ABCB1: variants seen among roughly 807,000 people sequenced by gnomAD.
The protein encoded by ABCB1 is ATP-dependent translocase ABCB1.
In ABCB1, 69 loss-of-function variants were observed where a neutral mutation model predicts 142.0. That is an observed-to-expected ratio of 0.49 (90% confidence interval 0.40 to 0.59). The LOEUF (loss-of-function observed/expected upper bound fraction) is 0.59. Among genes scored for constraint, ABCB1 ranks in the 20% least tolerant of loss-of-function variants. The pLI, the probability that ABCB1 is intolerant of heterozygous loss-of-function variation, is 0.00. For missense variants in ABCB1, 1,326 were observed against 1,554.7 expected, an observed-to-expected ratio of 0.85 and a Z score of 2.47; for synonymous variants, 532 against 539.2, an observed-to-expected ratio of 0.99 and a Z score of 0.18.
At position 87,545,883 on chromosome 7, in the gene ABCB1, A is replaced by G. The variant is rs772821889; in HGVS notation, c.1867T>C (p.Phe623Leu). 1.9e-6 allele frequency: 3 copies of G among 1,614,176 alleles called. No individual in the cohort carries two copies. The highest frequency in any genetic ancestry group is 1.7e-6 in the Non-Finnish European group (2 of 1,180,008). Residue 623 changes from phenylalanine (F) to leucine (L), a missense_variant, in exon 15 of 28, where the codon TTC becomes CTC. Phe to Leu is a conservative substitution (Grantham distance 22). Transcript: ENST00000622132. ...TATACCTGCATTGTGACAAGTTTGAAGTAAATGCCTTTCTCTTTCATGAGT... is the reference window on the plus strand; with the variant it reads ...TATACCTGCATTGTGACAAGTTTGAGGTAAATGCCTTTCTCTTTCATGAGT... Reference protein sequence around the residue: ...DELMKEKGIYFKLVTMQTAGN... With the variant: ...DELMKEKGIYLKLVTMQTAGN...
chr7:87,666,059 C>G (rs1382408677), intron 1 of ABCB1, among the ~76,000 whole-genome samples: 15 of 152,088 alleles, frequency 9.9e-5, no homozygotes, highest in Non-Finnish European at 1.5e-5. Context: ...AATTGCCATA[C>G]TGTCTTCCAC....
chr7:87,545,579 G>A (rs1180935143), intron 15 of ABCB1, among the ~76,000 whole-genome samples: 1 of 152,110 alleles, frequency 6.6e-6, no homozygotes, highest in African/African-American at 2.4e-5. Flanking sequence ...TTCCAATTCA[G>A]ATTCACTACC....
intron 1 of ABCB1, among the ~76,000 whole-genome samples, chr7:87,707,384 T>G (rs1267219900): frequency 6.6e-6 from 1 of 152,126 alleles, no homozygotes; most frequent in Admixed American, 6.6e-5. Context: ...TATTGGAATA[T>G]GTTAAAATTC....
intron 1 of ABCB1, among the ~76,000 whole-genome samples, chr7:87,679,171 C>A (rs1310650517): frequency 7.0e-6 from 1 of 142,758 alleles, no homozygotes; most frequent in Non-Finnish European, 1.5e-5. Context: ...TGGCTCACTG[C>A]AAGCTCCTCC....
At chr7:87,567,107 G>T in intron 5 of ABCB1, 131 bp from the exon 6 acceptor site, 1 of 818,710 alleles carries the variant, frequency 1.2e-6, no homozygotes, top group Non-Finnish European at 2.0e-6. Context: ...AGAAGGGGTT[G>T]TAACAAGCAG....
intron 1 of ABCB1, among the ~76,000 whole-genome samples, chr7:87,674,737 G>A (rs920885517): frequency 1.3e-5 from 2 of 152,226 alleles, no homozygotes; most frequent in African/African-American, 4.8e-5. Flanking sequence ...CCCTGGTTGG[G>A]CATCTGAGGC....
chr7:87,516,096 A>AT (rs1815234080), intron 24 of ABCB1, among the ~76,000 whole-genome samples: 2 of 152,290 alleles, frequency 1.3e-5, no homozygotes, highest in South Asian at 4.1e-4. Context: ...TAATTAAAAA[A>AT]TTAGCTGGGC....
chr7:87,672,582 A>G (rs560949333), intron 1 of ABCB1, among the ~76,000 whole-genome samples: 1 of 152,288 alleles, frequency 6.6e-6, no homozygotes, highest in East Asian at 1.9e-4. Context: ...CCAGAGCTGC[A>G]ACTTCTTTTG....
chr7:87,710,696 A>T (rs778229480), intron 1 of ABCB1: 10 of 1,101,846 alleles, frequency 9.1e-6, no homozygotes, highest in African/African-American at 1.6e-5. Flanking sequence ...TATTTGAAAG[A>T]ATCACCTGAA....
intron 1 of ABCB1, among the ~76,000 whole-genome samples, chr7:87,711,647 C>G (rs946563539): frequency 5.9e-5 from 9 of 152,024 alleles, no homozygotes; most frequent in African/African-American, 2.2e-4. Flanking sequence ...TTTAATGTAG[C>G]CACTAACACA....
At chr7:87,696,902 A>T (rs1373069023) in intron 1 of ABCB1, among the ~76,000 whole-genome samples, 1 of 152,124 alleles carries the variant, frequency 6.6e-6, no homozygotes, top group East Asian at 1.9e-4. Flanking sequence ...AGTTCCAAGG[A>T]TTTAGTGCCC....
intron 1 of ABCB1, among the ~76,000 whole-genome samples, chr7:87,640,476 T>G (rs747702259): frequency 3.0e-4 from 45 of 152,026 alleles, no homozygotes; most frequent in Non-Finnish European, 6.0e-4. Context: ...CCTGAGTAGC[T>G]AGGACTGCAG....
chr7:87,536,404 C>T (rs1816294890), intron 20 of ABCB1, 54 bp downstream of exon 20: 3 of 1,546,552 alleles, frequency 1.9e-6, no homozygotes, highest in Non-Finnish European at 2.7e-6. Flanking sequence ...TAGTTTCATG[C>T]TGGGGTCCAA....
At chr7:87,681,457 A>G (rs1233568720) in intron 1 of ABCB1, among the ~76,000 whole-genome samples, 1 of 150,830 alleles carries the variant, frequency 6.6e-6, no homozygotes, top group Non-Finnish European at 1.5e-5. Context: ...AAAGCAAGTC[A>G]CAAAAAATTT....
intron 1 of ABCB1, among the ~76,000 whole-genome samples, chr7:87,655,105 G>A (rs1432611855): frequency 6.6e-6 from 1 of 152,078 alleles, no homozygotes; most frequent in African/African-American, 2.4e-5. Flanking sequence ...AGCCATTACA[G>A]AAAACATTAT....
At chr7:87,546,704 A>T (rs1213692109) in intron 14 of ABCB1, among the ~76,000 whole-genome samples, 1 of 152,216 alleles carries the variant, frequency 6.6e-6, no homozygotes, top group Non-Finnish European at 1.5e-5. Context: ...AGCCCTAGGA[A>T]TTATAATATC....
At chr7:87,548,195 G>A (rs371663467) in intron 14 of ABCB1, among the ~76,000 whole-genome samples, 1 of 120,538 alleles carries the variant, frequency 8.3e-6, no homozygotes, top group Non-Finnish European at 1.8e-5. Context: ...GGAAAGGAAG[G>A]GAAGGGAAGG....
At chr7:87,684,259 T>G (rs556533569) in intron 1 of ABCB1, among the ~76,000 whole-genome samples, 2 of 152,344 alleles carry the variant, frequency 1.3e-5, no homozygotes, top group African/African-American at 4.8e-5. Context: ...GTCAGTTCTT[T>G]TCATATTGTT....
At chr7:87,671,447 G>A (rs978012124) in intron 1 of ABCB1, among the ~76,000 whole-genome samples, 1 of 152,108 alleles carries the variant, frequency 6.6e-6, no homozygotes, top group Non-Finnish European at 1.5e-5. Context: ...ATCTGAGAAT[G>A]GGCACCTACT....
Sources: allele counts gnomAD v4.1 joint callset (sites outside exome capture counted in the v4.1 genomes callset), GRCh38; gene constraint gnomAD v4.1.1; transcripts MANE v1.5; gene names NCBI Gene and HGNC (gene_info 2026-07-23, HGNC 2026-07-21).